Variants in CRPPA observed in about 807,000 individuals in gnomAD.
CRPPA encodes the protein D-ribitol-5-phosphate cytidylyltransferase.
In CRPPA, 43 loss-of-function variants were observed where a neutral mutation model predicts 52.0. The ratio of observed to expected loss-of-function variants is 0.83; its 90% confidence interval spans 0.65 to 1.07. The LOEUF is 1.07. Ranked by LOEUF, CRPPA falls within the 50% of genes least tolerant of loss-of-function variation. The probability of loss-of-function intolerance (pLI) is 0.00; values close to 1 mark genes in which losing one functional copy is unlikely to be tolerated. For missense variants in CRPPA, 629 were observed against 551.7 expected (o/e 1.14, Z -1.40); for synonymous variants, 250 against 203.5 (o/e 1.23, Z -1.94).
intron 5 of CRPPA, among the ~76,000 whole-genome samples, chr7:16,299,048 A>G (rs1784733039): frequency 6.6e-6 from 1 of 152,136 alleles, no homozygotes. Context: ...CCTCATAATA[A>G]ATCTATGTAT....
At position 16,421,080 on chromosome 7, in the gene CRPPA, T is replaced by C. The variant is rs763209907; in HGVS notation, c.243A>G (p.Leu81=). 8.7e-5 allele frequency: 112 copies of C among 1,289,776 alleles called. No homozygotes were observed. Among genetic ancestry groups the C allele is most frequent in the Middle Eastern group, 4.1e-4 (2 of 4,936 alleles). 79.9% of individuals were successfully genotyped at this position (1,289,776 alleles called of 1,614,324 possible). The change falls in exon 1 of 10, where the codon CTA becomes CTG. Residue 81 remains leucine (L), a synonymous_variant. Transcript: ENST00000407010. ...CGCCGCATTACCTCTCCAGGGCCTG[T>C]AGGGTGTAGCTGATGAGCGGCCTCT... ...ILERPLISYT[L]QALERVCWIK...
intron 3 of CRPPA, among the ~76,000 whole-genome samples, chr7:16,340,034 A>C (rs1020289192): frequency 1.3e-5 from 2 of 152,206 alleles, no homozygotes; most frequent in Non-Finnish European, 2.9e-5. Flanking sequence ...AATTGTGCTG[A>C]AAAACTGGAC....
At chr7:16,227,909 G>A (rs1184869221) in intron 8 of CRPPA, among the ~76,000 whole-genome samples, 1 of 151,774 alleles carries the variant, frequency 6.6e-6, no homozygotes, top group African/African-American at 2.4e-5. Flanking sequence ...CATTTGGAGT[G>A]GTTTTTGTAT....
At chr7:16,414,668 A>T (rs1158390542) in intron 1 of CRPPA, among the ~76,000 whole-genome samples, 3 of 152,180 alleles carry the variant, frequency 2.0e-5, no homozygotes, top group African/African-American at 7.2e-5. Flanking sequence ...TAGTACCCCT[A>T]ATCTCAGTTT....
intron 3 of CRPPA, among the ~76,000 whole-genome samples, chr7:16,333,377 A>C (rs1187881482): frequency 9.2e-5 from 14 of 152,210 alleles, no homozygotes; most frequent in Non-Finnish European, 1.9e-4. Context: ...GGCCATTAAA[A>C]ACCCTTTAAC....
rs1458397344 is a variant in CRPPA at position 16,254,776 on chromosome 7, AGAAAGAAAGAAAGAAG to A, written c.1119+3598_1119+3613del. Among the ~76,000 whole-genome samples the A allele has an allele frequency of 2.4e-3, 311 of 128,040 alleles. 2 individuals are homozygous for A. The highest frequency in any genetic ancestry group is 9.0e-3 in the African/African-American group (298 of 32,988). The allele number at this position is 128,040 out of a possible 152,430, so 84.0% of individuals were successfully genotyped here. A position where few individuals can be genotyped will look rare whatever the true frequency, so the allele number is the denominator to read the frequency against. Reference sequence around the variant, plus strand: ...AAGAAAGAAAGACAGACACACAGAAAGAAAGAAAGAAAGAAGGAAAGAAAGAAAGAAAGAAAGAAAG... The same window carrying A: ...AAGAAAGAAAGACAGACACACAGAAAGAAAGAAAGAAAGAAAGAAAGAAAG... On this transcript the variant is annotated intron_variant, in intron 8 of 9. Coordinates refer to ENST00000407010, the MANE Select transcript of CRPPA (RefSeq NM_001101426.4).
chr7:16,192,177 G>T (rs1781628357), intron 9 of CRPPA, among the ~76,000 whole-genome samples: 1 of 152,158 alleles, frequency 6.6e-6, no homozygotes, highest in Non-Finnish European at 1.5e-5. Context: ...CACATGGGAT[G>T]GTGCGGGTGA....
At chr7:16,402,127 CT>C (rs1787831644) in intron 2 of CRPPA, among the ~76,000 whole-genome samples, 1 of 152,156 alleles carries the variant, frequency 6.6e-6, no homozygotes, top group Non-Finnish European at 1.5e-5. Flanking sequence ...TAAAAGGTAG[CT>C]GGGGCAGGGG....
intron 8 of CRPPA, among the ~76,000 whole-genome samples, chr7:16,245,710 G>C (rs1487180987): frequency 6.6e-6 from 1 of 152,134 alleles, no homozygotes; most frequent in Non-Finnish European, 1.5e-5. Flanking sequence ...TTTCCCTCCA[G>C]ACTACTGGAG....
chr7:16,320,352 T>A (rs1785234979), intron 3 of CRPPA, among the ~76,000 whole-genome samples: 1 of 152,152 alleles, frequency 6.6e-6, no homozygotes, highest in Non-Finnish European at 1.5e-5. Context: ...TGAATATGAC[T>A]CAGAGGGACT....
At chr7:16,234,371 T>C (rs192102894) in intron 8 of CRPPA, among the ~76,000 whole-genome samples, 23 of 152,258 alleles carry the variant, frequency 1.5e-4, no homozygotes, top group African/African-American at 5.5e-4. Flanking sequence ...AAGCAGTCAT[T>C]TATTGACACA....
intron 6 of CRPPA, 102 bp downstream of exon 6, chr7:16,278,027 T>C: frequency 1.5e-6 from 1 of 687,204 alleles, no homozygotes; most frequent in Admixed American, 2.7e-5. Context: ...AAGAACATTA[T>C]GATTAAGGGA....
chr7:16,252,538 T>C (rs1358847728), intron 8 of CRPPA, among the ~76,000 whole-genome samples: 1 of 152,218 alleles, frequency 6.6e-6, no homozygotes, highest in African/African-American at 2.4e-5. Context: ...TGCATCGTTG[T>C]TCATCACGGA....
chr7:16,310,656 C>T (rs1027103852), intron 3 of CRPPA, among the ~76,000 whole-genome samples: 1 of 151,250 alleles, frequency 6.6e-6, no homozygotes, highest in Non-Finnish European at 1.5e-5. Context: ...ATTGAAATTT[C>T]AGGAAAAACA....
intron 8 of CRPPA, among the ~76,000 whole-genome samples, chr7:16,246,335 A>G (rs756727197): frequency 1.3e-5 from 2 of 152,108 alleles, no homozygotes; most frequent in Admixed American, 6.6e-5. Context: ...TTCAGACTCT[A>G]CTTCTATTCT....
In CRPPA at chr7:16,161,277, T is replaced by C. The variant is rs558438050; in HGVS notation, c.1251+54789A>G. On this transcript the variant is annotated intron_variant, in intron 9 of 9. Coordinates refer to ENST00000407010, the MANE Select transcript of CRPPA (RefSeq NM_001101426.4). ...GTCTTCTGCCGGTTTTCAAAAGGAA[T>C]GCTTCCAGCTTTTGCCCATTCAGTA... 2.0e-3 allele frequency among the ~76,000 whole-genome samples: 303 copies of C among 152,338 alleles called. 6 individuals are homozygous for C. The highest frequency in any genetic ancestry group is 5.1e-4 in the Non-Finnish European group (35 of 68,040).
At chr7:16,171,629 A>C (rs190646164) in intron 9 of CRPPA, among the ~76,000 whole-genome samples, 223 of 152,128 alleles carry the variant, frequency 1.5e-3, no homozygotes, top group African/African-American at 5.2e-3. Context: ...AAACCAAAAA[A>C]ACAAAAAACA....
In CRPPA at chr7:16,357,703, CT is replaced by C; in HGVS notation, c.684+18388del. ...CAAGAGTCATAAACGCCACAATAATCTCAACAGGAAAGATTTCATATAAGGT... is the reference window on the plus strand; with the variant it reads ...CAAGAGTCATAAACGCCACAATAATCCAACAGGAAAGATTTCATATAAGGT... On this transcript the variant is annotated intron_variant, in intron 3 of 9. Coordinates refer to ENST00000407010, the MANE Select transcript of CRPPA (RefSeq NM_001101426.4). Among the ~76,000 whole-genome samples the C allele has an allele frequency of 1.3e-5, 2 of 152,278 alleles. 1 individual carries two copies. The highest frequency in any genetic ancestry group is 6.8e-3 in the Middle Eastern group (2 of 294).
intron 6 of CRPPA, among the ~76,000 whole-genome samples, chr7:16,277,776 A>G (rs913034940): frequency 6.6e-5 from 10 of 151,988 alleles, no homozygotes; most frequent in Non-Finnish European, 1.3e-4. Context: ...CCTCTTCATA[A>G]TCTCTCTAAT....
Sources: gnomAD v4.1 joint callset for allele counts (sites outside exome capture counted in the v4.1 genomes callset) on GRCh38, gnomAD v4.1.1 for gene constraint, MANE v1.5 for transcripts, NCBI Gene and HGNC (gene_info 2026-07-23, HGNC 2026-07-21) for gene names.